Variants in NDUFAF6 observed in about 807,000 individuals in gnomAD.
NDUFAF6 encodes the protein NADH:ubiquinone oxidoreductase complex assembly factor 6.
A neutral mutation model predicts 40.8 loss-of-function variants in NDUFAF6; 45 were observed. That is an observed-to-expected ratio of 1.10 (90% CI 0.87 to 1.42). NDUFAF6 has a LOEUF of 1.42. NDUFAF6 is among the 40% of genes most tolerant of loss of function. The pLI is 0.00. For missense variants in NDUFAF6, 435 were observed against 418.5 expected, an observed-to-expected ratio of 1.04 and a Z score of -0.34; for synonymous variants, 185 against 155.9, an observed-to-expected ratio of 1.19 and a Z score of -1.39.
At chr8:95,105,127 C>A (rs1809796376), downstream of NDUFAF6, among the ~76,000 whole-genome samples, 1 of 141,092 alleles carries the variant, frequency 7.1e-6, no homozygotes, top group African/African-American at 2.7e-5. Flanking sequence ...ATCACGTAGC[C>A]CAAGAGAAAG....
At chr8:94,935,128 T>TATAGGTAGATAG (rs1820838881) in intron 1 of NDUFAF6, among the ~76,000 whole-genome samples, 1 of 144,640 alleles carries the variant, frequency 6.9e-6, no homozygotes, top group South Asian at 2.3e-4. Flanking sequence ...GGTAGATAGA[T>TATAGGTAGATAG]ATAGATAGAT....
chr8:95,064,565 G>A (rs1021577903), intron 9 of NDUFAF6, among the ~76,000 whole-genome samples: 2 of 151,716 alleles, frequency 1.3e-5, no homozygotes, highest in South Asian at 2.1e-4. Context: ...GTGTGTGTGC[G>A]CGCGTGCGTG....
intron 2 of NDUFAF6, among the ~76,000 whole-genome samples, chr8:95,033,243 C>CT (rs1829067088): frequency 6.6e-6 from 1 of 152,006 alleles, no homozygotes; most frequent in Admixed American, 6.6e-5. Flanking sequence ...CAGAGTCTTG[C>CT]TATGTTGCCC....
At chr8:94,975,354 A>G (rs1177684339) in intron 1 of NDUFAF6, 1 of 152,250 alleles carries the variant, frequency 6.6e-6, no homozygotes, top group African/African-American at 2.4e-5. Context: ...TGGTATGGTG[A>G]GATGTCTACT....
chr8:95,007,876 C>T (rs1445308139), intron 2 of NDUFAF6, among the ~76,000 whole-genome samples: 1 of 152,004 alleles, frequency 6.6e-6, no homozygotes, highest in Non-Finnish European at 1.5e-5. Flanking sequence ...AGGCACACGC[C>T]ACCACGCACA....
downstream of NDUFAF6, among the ~76,000 whole-genome samples, chr8:95,077,350 G>A (rs1448084608): frequency 6.6e-6 from 1 of 152,154 alleles, no homozygotes; most frequent in Non-Finnish European, 1.5e-5. Flanking sequence ...AATATGTTCC[G>A]AGACTTCCAA....
chr8:95,114,763 A>C (rs1810092654), intron 4 of NDUFAF6, among the ~76,000 whole-genome samples: 1 of 152,192 alleles, frequency 6.6e-6, no homozygotes, highest in Non-Finnish European at 1.5e-5. Flanking sequence ...ATTAACAAAA[A>C]AGTCAGGTAT....
intron 9 of NDUFAF6, among the ~76,000 whole-genome samples, chr8:95,072,198 G>C (rs1832888641): frequency 6.6e-6 from 1 of 152,074 alleles, no homozygotes; most frequent in Non-Finnish European, 1.5e-5. Context: ...CTAAGACACA[G>C]GGCCGTTATG....
chr8:94,930,487 T>C (rs1159575409), intron 1 of NDUFAF6: 2 of 1,614,154 alleles, frequency 1.2e-6, no homozygotes, highest in Non-Finnish European at 1.7e-6. Flanking sequence ...TATTAGTAAT[T>C]GTACTGACGC....
intron 8 of NDUFAF6, chr8:95,055,090 C>T (rs1831957881): frequency 6.6e-6 from 1 of 152,150 alleles, no homozygotes; most frequent in Admixed American, 6.5e-5. Context: ...CACTTGAGCT[C>T]TAATTTTGAG....
intron 7 of NDUFAF6, among the ~76,000 whole-genome samples, chr8:95,051,525 A>C (rs1831429112): frequency 6.6e-6 from 1 of 152,176 alleles, no homozygotes; most frequent in Admixed American, 6.6e-5. Flanking sequence ...GGGACAATAT[A>C]AATGAAGACA....
At chr8:94,951,106 T>C (rs1180345345) in intron 2 of NDUFAF6, 1 of 152,222 alleles carries the variant, frequency 6.6e-6, no homozygotes, top group Non-Finnish European at 1.5e-5. Context: ...GCAAAAGCAT[T>C]AAGCAAACCC....
chr8:95,011,871 C>A (rs555649298), intron 2 of NDUFAF6, among the ~76,000 whole-genome samples: 67 of 152,172 alleles, frequency 4.4e-4, no homozygotes, highest in Non-Finnish European at 8.1e-4. Flanking sequence ...GTATCTTATA[C>A]TTCTGAGTAT....
chr8:95,049,413 T>A (rs1172098882), intron 7 of NDUFAF6, among the ~76,000 whole-genome samples: 1 of 152,194 alleles, frequency 6.6e-6, no homozygotes, highest in Non-Finnish European at 1.5e-5. Flanking sequence ...ATACACCTCT[T>A]TCTTGAAATT....
Position 95,057,953 on chromosome 8 carries a change from T to C in NDUFAF6, c.*16T>C, listed in dbSNP as rs2678832. ...AACATATTAAAATAATTTCATGGCA[T>C]TGATGTTAATTCTAGTCTATTAGTT... On this transcript the variant is annotated 3_prime_UTR_variant, in exon 9 of 9. Transcript: ENST00000396124. The C allele has an allele frequency of 0.94, 1,410,430 of 1,502,512 alleles. 662,707 individuals carry two copies. Among genetic ancestry groups the C allele is most frequent in the East Asian group, 1 (44,248 of 44,254 alleles). 93.1% of individuals were successfully genotyped at this position (1,502,512 alleles called of 1,614,324 possible). A position where few individuals can be genotyped will look rare whatever the true frequency, so the allele number is the denominator to read the frequency against.
chr8:94,918,391 A>G (rs999271071), intron 1 of NDUFAF6, among the ~76,000 whole-genome samples: 10 of 152,120 alleles, frequency 6.6e-5, no homozygotes, highest in African/African-American at 9.7e-5. Context: ...GGAAGCCACC[A>G]CTTCAGACTC....
At chr8:95,041,314 T>C (rs1830121650) in intron 3 of NDUFAF6, among the ~76,000 whole-genome samples, 1 of 152,238 alleles carries the variant, frequency 6.6e-6, no homozygotes, top group Non-Finnish European at 1.5e-5. Context: ...AGTGGAATTG[T>C]TAAATTATTA....
intron 1 of NDUFAF6, among the ~76,000 whole-genome samples, chr8:94,899,229 AG>A (rs1446847722): frequency 6.6e-6 from 1 of 152,204 alleles, no homozygotes; most frequent in African/African-American, 2.4e-5. Context: ...GGTGAGATGC[AG>A]TTTTAAAAAC....
Position 95,058,371 on chromosome 8 carries a change from CATTT to C in NDUFAF6, c.*440_*443del. The C allele has an allele frequency of 8.1e-7, 1 of 1,234,816 alleles. No homozygotes were observed. The highest frequency in any genetic ancestry group is 1.0e-6 in the Non-Finnish European group (1 of 989,830). The allele number at this position is 1,234,816 out of a possible 1,614,324, so 76.5% of individuals were successfully genotyped here. ...AGGTGTTCAGAACACCTGGAAGATG[CATTT>C]ATTTAGGGGTCACAAATAGTGAAAT... On this transcript the variant is annotated 3_prime_UTR_variant, in exon 9 of 9. Transcript: ENST00000396124.
Sources: allele counts gnomAD v4.1 joint callset (sites outside exome capture counted in the v4.1 genomes callset), GRCh38; gene constraint gnomAD v4.1.1; transcripts MANE v1.5; gene names NCBI Gene and HGNC (gene_info 2026-07-23, HGNC 2026-07-21).